The following PATJ variants were observed in gnomAD, a reference collection of about 807,000 sequenced individuals.
PATJ encodes inaD-like protein.
PATJ carries 190 observed loss-of-function variants against 224.9 expected under a neutral mutation model. That is an observed-to-expected ratio of 0.84 (90% CI 0.75 to 0.95). The LOEUF is 0.95. Among genes scored for constraint, PATJ ranks in the 40% least tolerant of loss-of-function variants. The pLI is 0.00. For synonymous variants in PATJ, 769 were observed against 820.3 expected, an observed-to-expected ratio of 0.94 and a Z score of 1.07; for missense variants, 2,121 against 2,270.3, an observed-to-expected ratio of 0.93 and a Z score of 1.34.
At chr1:61,969,554 T>A (rs777783618) in intron 27 of PATJ, among the ~76,000 whole-genome samples, 11 of 152,236 alleles carry the variant, frequency 7.2e-5, no homozygotes, top group Non-Finnish European at 1.3e-4. Context: ...TGCCCGTTTT[T>A]AAATCAGATT....
intron 37 of PATJ, chr1:62,117,511 A>C: frequency 1.2e-6 from 1 of 813,350 alleles, no homozygotes; most frequent in Non-Finnish European, 1.6e-6. Flanking sequence ...TTATTTAAAA[A>C]AAAAAAAAGG....
intron 26 of PATJ, among the ~76,000 whole-genome samples, chr1:61,916,208 A>C (rs1415035558): frequency 2.0e-5 from 3 of 152,294 alleles, no homozygotes; most frequent in African/African-American, 7.2e-5. Context: ...ATAATGGTGA[A>C]ACAAAAAAAT....
intron 41 of PATJ, among the ~76,000 whole-genome samples, chr1:62,140,379 G>A (rs1033853348): frequency 3.9e-5 from 6 of 152,110 alleles, no homozygotes; most frequent in African/African-American, 1.2e-4. Context: ...TTGGCCGAGC[G>A]TGGTGGCTCA....
intron 1 of PATJ, among the ~76,000 whole-genome samples, chr1:61,754,997 C>G (rs1359989795): frequency 2.6e-5 from 4 of 151,886 alleles, no homozygotes; most frequent in Non-Finnish European, 5.9e-5. Flanking sequence ...CAAGATGATC[C>G]ATTAAGAGGT....
chr1:62,031,605 G>A (rs778124520), intron 29 of PATJ, among the ~76,000 whole-genome samples: 1 of 152,094 alleles, frequency 6.6e-6, no homozygotes, highest in Admixed American at 6.5e-5. Flanking sequence ...ACTCACCTAG[G>A]GATTTTAACT....
At chr1:62,115,220 G>A (rs2148894901) in intron 35 of PATJ, among the ~76,000 whole-genome samples, 1 of 152,296 alleles carries the variant, frequency 6.6e-6, no homozygotes, top group South Asian at 2.1e-4. Context: ...TGAGGCAGGA[G>A]AATTGCTTGA....
intron 18 of PATJ, 121 bp from the exon 19 acceptor site, chr1:61,861,430 A>T (rs1664595739): frequency 1.9e-6 from 1 of 538,398 alleles, no homozygotes; most frequent in African/African-American, 2.0e-5. Context: ...GCACTTATCA[A>T]CCCATCATCT....
At chr1:62,039,987 C>T (rs897400894) in intron 30 of PATJ, among the ~76,000 whole-genome samples, 2 of 152,014 alleles carry the variant, frequency 1.3e-5, no homozygotes, top group East Asian at 1.9e-4. Flanking sequence ...AGCCAACCTC[C>T]TGGTGAGTGA....
At chr1:61,906,330 C>T (rs1334324666) in intron 24 of PATJ, among the ~76,000 whole-genome samples, 1 of 152,104 alleles carries the variant, frequency 6.6e-6, no homozygotes, top group Non-Finnish European at 1.5e-5. Flanking sequence ...CAGCCCCCAC[C>T]CTCACTTCTT....
intron 24 of PATJ, among the ~76,000 whole-genome samples, chr1:61,902,246 T>C (rs1247764826): frequency 6.6e-6 from 1 of 151,686 alleles, no homozygotes; most frequent in Non-Finnish European, 1.5e-5. Flanking sequence ...AAAAGGCATA[T>C]TAAACCACTG....
At chr1:62,106,121 A>C (rs190799333) in intron 33 of PATJ, among the ~76,000 whole-genome samples, 26 of 31,254 alleles carry the variant, frequency 8.3e-4, no homozygotes, top group African/African-American at 9.5e-4. Flanking sequence ...CACACACACA[A>C]ACACACATAT....
At chr1:61,860,534 T>C (rs1457756690) in intron 18 of PATJ, among the ~76,000 whole-genome samples, 1 of 152,062 alleles carries the variant, frequency 6.6e-6, no homozygotes, top group Non-Finnish European at 1.5e-5. Context: ...ATCTGTAAGA[T>C]GAGGATTGGC....
Position 61,843,311 on chromosome 1 carries a change from G to C in PATJ, c.2112+9526G>C, listed in dbSNP as rs772916099. 2.6e-5 allele frequency among the ~76,000 whole-genome samples: 4 copies of C among 152,262 alleles called. No individual in the cohort carries two copies. In the East Asian group the frequency reaches 7.7e-4, roughly 29 times the overall value. On this transcript the variant is annotated intron_variant, in intron 17 of 43. Coordinates refer to ENST00000642238, the MANE Select transcript of PATJ (RefSeq NM_001350145.3). ...CTTACGAGTCAGAAAGCTCCCAAAC[G>C]TCCAGGTTTGCATTCTGGATATACT...
At chr1:61,973,321 C>T (rs1009815712) in intron 27 of PATJ, among the ~76,000 whole-genome samples, 2 of 151,934 alleles carry the variant, frequency 1.3e-5, no homozygotes, top group Non-Finnish European at 2.9e-5. Context: ...TTCCCTGAAG[C>T]TTGTTCTGAT....
At chr1:61,882,074 C>T (rs542897878) in intron 21 of PATJ, among the ~76,000 whole-genome samples, 3 of 152,234 alleles carry the variant, frequency 2.0e-5, no homozygotes, top group Admixed American at 1.3e-4. Flanking sequence ...AAGAGTGCTG[C>T]TCTGGGGGTC....
At chr1:62,011,578 A>G (rs1364218515) in intron 28 of PATJ, among the ~76,000 whole-genome samples, 1 of 152,204 alleles carries the variant, frequency 6.6e-6, no homozygotes, top group Non-Finnish European at 1.5e-5. Flanking sequence ...TATCGCCATA[A>G]CAGACAGAAT....
intron 6 of PATJ, among the ~76,000 whole-genome samples, chr1:61,773,854 C>A (rs1263342847): frequency 6.6e-6 from 1 of 151,710 alleles, no homozygotes; most frequent in Non-Finnish European, 1.5e-5. Context: ...GGCACTTTGG[C>A]TCACGCCTGT....
chr1:61,811,099 A>G (rs1047267122), intron 14 of PATJ, among the ~76,000 whole-genome samples: 4 of 152,162 alleles, frequency 2.6e-5, no homozygotes, highest in African/African-American at 4.8e-5. Context: ...TTTGTATGTA[A>G]AAAGGAAATA....
chr1:61,819,169 A>G (rs1656760357), intron 14 of PATJ, among the ~76,000 whole-genome samples: 1 of 152,246 alleles, frequency 6.6e-6, no homozygotes. Context: ...TTCATTGTGG[A>G]GCCTGCTCTG....
Sources: allele counts gnomAD v4.1 joint callset (sites outside exome capture counted in the v4.1 genomes callset), GRCh38; gene constraint gnomAD v4.1.1; transcripts MANE v1.5; gene names NCBI Gene and HGNC (gene_info 2026-07-23, HGNC 2026-07-21).